TRHDE: variants seen among roughly 807,000 people sequenced by gnomAD.
The protein encoded by TRHDE is thyrotropin-releasing hormone-degrading ectoenzyme.
A neutral mutation model predicts 125.7 loss-of-function variants in TRHDE; 72 were observed. That is an observed-to-expected ratio of 0.57 (90% CI 0.47 to 0.70). TRHDE has a LOEUF of 0.70. TRHDE is among the 30% of genes least tolerant of loss of function. The probability of loss-of-function intolerance (pLI) is 0.00; values close to 1 mark genes in which losing one functional copy is unlikely to be tolerated. For synonymous variants in TRHDE, 509 were observed against 509.1 expected, an observed-to-expected ratio of 1.00 and a Z score of 0.00; for missense variants, 1,110 against 1,327.1, an observed-to-expected ratio of 0.84 and a Z score of 2.54.
intron 3 of TRHDE, among the ~76,000 whole-genome samples, chr12:72,449,452 G>A (rs1384000041): frequency 2.6e-5 from 4 of 151,930 alleles, no homozygotes; most frequent in African/African-American, 9.6e-5. Flanking sequence ...CTGGCATTGT[G>A]TACACACTGC....
chr12:72,311,725 G>A (rs1868551331), intron 2 of TRHDE, among the ~76,000 whole-genome samples: 3 of 152,134 alleles, frequency 2.0e-5, no homozygotes, highest in Non-Finnish European at 4.4e-5. Flanking sequence ...AGTTGAGTCA[G>A]TACATTTTGG....
At chr12:72,176,368 A>T (rs914014391) in intron 2 of TRHDE, among the ~76,000 whole-genome samples, 1 of 152,066 alleles carries the variant, frequency 6.6e-6, no homozygotes, top group African/African-American at 2.4e-5. Flanking sequence ...CTAGATATGG[A>T]TGGCTTGGGA....
intron 6 of TRHDE, among the ~76,000 whole-genome samples, chr12:72,517,502 AT>A (rs1878937622): frequency 6.6e-6 from 1 of 151,948 alleles, no homozygotes; most frequent in African/African-American, 2.4e-5. Flanking sequence ...CCCCTTTATC[AT>A]TTTTTATTGC....
chr12:72,319,590 C>T (rs1310879307), intron 2 of TRHDE, among the ~76,000 whole-genome samples: 2 of 152,158 alleles, frequency 1.3e-5, no homozygotes, highest in Non-Finnish European at 2.9e-5. Context: ...TCTCTATCAT[C>T]TATCATCACC....
At chr12:72,418,762 A>C (rs1033703427) in intron 3 of TRHDE, among the ~76,000 whole-genome samples, 4 of 152,170 alleles carry the variant, frequency 2.6e-5, no homozygotes, top group Admixed American at 6.5e-5. Flanking sequence ...AGGTAAGAAA[A>C]ATAAAATATA....
chr12:72,319,795 G>A (rs1171621808), intron 2 of TRHDE, among the ~76,000 whole-genome samples: 1 of 151,968 alleles, frequency 6.6e-6, no homozygotes, highest in Admixed American at 6.6e-5. Context: ...TCTTTATATT[G>A]CCCAAAGGGG....
At chr12:72,313,551 G>C (rs1402843877) in intron 2 of TRHDE, among the ~76,000 whole-genome samples, 1 of 151,878 alleles carries the variant, frequency 6.6e-6, no homozygotes, top group Non-Finnish European at 1.5e-5. Flanking sequence ...TTTTCTGTTT[G>C]TTGACACCAA....
At chr12:72,661,093 C>T (rs1045023832) in intron 18 of TRHDE, among the ~76,000 whole-genome samples, 4 of 152,160 alleles carry the variant, frequency 2.6e-5, no homozygotes, top group Non-Finnish European at 4.4e-5. Context: ...CTCTCTGAGC[C>T]CACAAGGGGA....
rs574215949 is a variant in TRHDE at position 72,385,099 on chromosome 12, G to A, written c.1315+6978G>A. Among the ~76,000 whole-genome samples, 165 of 152,152 alleles carry A rather than the reference G, an allele frequency of 1.1e-3. 1 individual carries two copies. Among genetic ancestry groups the A allele is most frequent in the African/African-American group, 3.7e-3 (153 of 41,532 alleles). ...GATTAGGTAAATATTGAGTTACTATGTATGTGTTTTGTTACTGGCCTAAAG... is the reference window on the plus strand; with the variant it reads ...GATTAGGTAAATATTGAGTTACTATATATGTGTTTTGTTACTGGCCTAAAG... On this transcript the variant is annotated intron_variant, in intron 3 of 18. Transcript: ENST00000261180.
chr12:72,457,918 G>A (rs1241354439), intron 3 of TRHDE, among the ~76,000 whole-genome samples: 4 of 152,126 alleles, frequency 2.6e-5, no homozygotes, highest in Non-Finnish European at 4.4e-5. Context: ...CCCTTCTACT[G>A]GAAATGTGAA....
In TRHDE at chr12:72,542,354, C is replaced by A; in HGVS notation, c.1786C>A (p.Gln596Lys). The A allele has an allele frequency of 6.2e-7, 1 of 1,601,746 alleles. No individual in the cohort carries two copies. ...MGHSVFQRGL[Q>K]DYLTIHKYGN... ...CCATTCAGTTTTCCAGAGGGGTTTGCAAGTAAGTAAAATGCTTTTTATTTT... is the reference window on the plus strand; with the variant it reads ...CCATTCAGTTTTCCAGAGGGGTTTGAAAGTAAGTAAAATGCTTTTTATTTT... Residue 596 changes from glutamine (Q) to lysine (K), a missense_variant and splice_region_variant, in exon 7 of 19, where the codon CAA (glutamine) becomes AAA (lysine). Around this residue, in one of 5 missense-constraint regions of TRHDE, gnomAD observed 527 missense variants for 651.8 expected, o/e 0.81. Transcript: ENST00000261180.
At chr12:72,243,882 A>C (rs1251485392) in intron 2 of TRHDE, among the ~76,000 whole-genome samples, 1 of 152,192 alleles carries the variant, frequency 6.6e-6, no homozygotes, top group Non-Finnish European at 1.5e-5. Flanking sequence ...TATTGTAGAA[A>C]ATATTTTTAG....
chr12:72,559,418 A>G (rs1311640429), intron 7 of TRHDE, among the ~76,000 whole-genome samples: 2 of 152,222 alleles, frequency 1.3e-5, no homozygotes, highest in African/African-American at 4.8e-5. Context: ...GAACCAAGGC[A>G]GGCTCTTGTT....
chr12:72,382,824 G>C (rs1319814951), intron 3 of TRHDE, among the ~76,000 whole-genome samples: 1 of 152,070 alleles, frequency 6.6e-6, no homozygotes, highest in East Asian at 1.9e-4. Flanking sequence ...CTTTCTCCCT[G>C]AATTCTTTTT....
intron 2 of TRHDE, chr12:72,262,437 T>G (rs1878971640): frequency 6.6e-6 from 1 of 152,182 alleles, no homozygotes; most frequent in Non-Finnish European, 1.5e-5. Flanking sequence ...GTGTTAAAAT[T>G]AAATGTTTGG....
intron 2 of TRHDE, among the ~76,000 whole-genome samples, chr12:72,357,847 T>C (rs1237469123): frequency 6.6e-6 from 1 of 151,304 alleles, no homozygotes; most frequent in Non-Finnish European, 1.5e-5. Context: ...ATATATACAA[T>C]AAAATGTATT....
At chr12:72,477,599 T>C (rs1876957827) in intron 5 of TRHDE, among the ~76,000 whole-genome samples, 1 of 152,206 alleles carries the variant, frequency 6.6e-6, no homozygotes, top group African/African-American at 2.4e-5. Flanking sequence ...CAGTATGCCA[T>C]TGATGGCAAT....
At chr12:72,536,716 A>G (rs1420599070) in intron 6 of TRHDE, among the ~76,000 whole-genome samples, 3 of 152,074 alleles carry the variant, frequency 2.0e-5, no homozygotes, top group African/African-American at 2.4e-5. Context: ...CAATTTTGCT[A>G]GCCTTTTGTT....
At chr12:72,359,372 G>T (rs1042539165) in intron 2 of TRHDE, among the ~76,000 whole-genome samples, 1 of 151,526 alleles carries the variant, frequency 6.6e-6, no homozygotes, top group African/African-American at 2.4e-5. Flanking sequence ...ATCTTTCATG[G>T]CTCCTATTTG....
Sources: gnomAD v4.1 joint callset for allele counts (sites outside exome capture counted in the v4.1 genomes callset) on GRCh38, gnomAD v4.1.1 for gene constraint, gnomAD v4.1.1 regional missense constraint, MANE v1.5 for transcripts, NCBI Gene and HGNC (gene_info 2026-07-23, HGNC 2026-07-21) for gene names.